The following KALRN variants were observed in gnomAD, a reference collection of about 807,000 sequenced individuals.
The protein encoded by KALRN is kalirin RhoGEF kinase.
Under a neutral mutation model 353.7 loss-of-function variants are expected in KALRN, and 70 were observed. The ratio of observed to expected loss-of-function variants is 0.20; its 90% CI spans 0.16 to 0.24. KALRN has a LOEUF of 0.24. KALRN is among the 10% of genes least tolerant of loss of function. KALRN has a pLI of 1.00. For synonymous variants in KALRN, 1,391 were observed against 1,434.8 expected, an observed-to-expected ratio of 0.97 and a Z score of 0.69; for missense variants, 2,791 against 3,756.7, an observed-to-expected ratio of 0.74 and a Z score of 6.72.
chr3:124,381,132 A>G (rs899332697), intron 10 of KALRN, among the ~76,000 whole-genome samples: 1 of 152,188 alleles, frequency 6.6e-6, no homozygotes, highest in South Asian at 2.1e-4. Flanking sequence ...CACATAAGCT[A>G]GCCTTGGGAG....
intron 1 of KALRN, among the ~76,000 whole-genome samples, chr3:124,044,192 G>A (rs1410752689): frequency 6.6e-6 from 1 of 152,262 alleles, no homozygotes; most frequent in South Asian, 2.1e-4. Context: ...GCTGACCCAA[G>A]ATGAAAAGCC....
rs1274274823 is a variant in KALRN at position 124,330,244 on chromosome 3, TCTCA to T, written c.1416+254_1416+257del. Among the ~76,000 whole-genome samples the T allele has an allele frequency of 1.5e-3, 144 of 96,246 alleles. 1 individual carries two copies. The Middle Eastern group carries it at 0.016, about 11-fold the overall frequency. The allele number at this position is 96,246 out of a possible 152,430, so 63.1% of individuals were successfully genotyped here. On this transcript the variant is annotated intron_variant, in intron 8 of 59. Transcript: ENST00000682506. ...CTCGCATTCATTCTCTCTCTCTCTC[TCTCA>T]CACACACACACACACACACACACAC...
At chr3:124,061,763 T>TA (rs2042013594) in intron 1 of KALRN, among the ~76,000 whole-genome samples, 1 of 152,204 alleles carries the variant, frequency 6.6e-6, no homozygotes, top group African/African-American at 2.4e-5. Flanking sequence ...ACCTTTGTTT[T>TA]AGGCGCCATC....
chr3:124,210,341 G>C (rs2150496313), intron 1 of KALRN, among the ~76,000 whole-genome samples: 1 of 152,270 alleles, frequency 6.6e-6, no homozygotes, highest in Middle Eastern at 3.4e-3. Flanking sequence ...AGCTTATGGT[G>C]TGTAATAGTT....
chr3:124,521,667 A>G (rs1009520350), intron 33 of KALRN, among the ~76,000 whole-genome samples: 1 of 152,222 alleles, frequency 6.6e-6, no homozygotes, highest in African/African-American at 2.4e-5. Context: ...ATTAAAGAGT[A>G]TAGTGAACTA....
At chr3:124,476,112 A>G (rs932827312) in intron 26 of KALRN, among the ~76,000 whole-genome samples, 1 of 152,082 alleles carries the variant, frequency 6.6e-6, no homozygotes. Flanking sequence ...TGGATAAAAT[A>G]TTCATCTTTT....
intron 33 of KALRN, among the ~76,000 whole-genome samples, chr3:124,559,087 A>T (rs541343634): frequency 6.6e-6 from 1 of 152,370 alleles, no homozygotes; most frequent in East Asian, 1.9e-4. Flanking sequence ...GAAAATGCAG[A>T]TGGAGTTACA....
chr3:124,599,420 T>C (rs1196108011), intron 34 of KALRN, among the ~76,000 whole-genome samples: 1 of 152,134 alleles, frequency 6.6e-6, no homozygotes, highest in Non-Finnish European at 1.5e-5. Flanking sequence ...TCGTCATAAT[T>C]ATGTTGGCAC....
At chr3:124,514,901 C>T (rs980562415) in intron 33 of KALRN, among the ~76,000 whole-genome samples, 4 of 152,178 alleles carry the variant, frequency 2.6e-5, no homozygotes, top group Non-Finnish European at 4.4e-5. Context: ...CACTCACTGT[C>T]TTCTGTGCCA....
intron 5 of KALRN, among the ~76,000 whole-genome samples, chr3:124,291,686 G>A (rs556958770): frequency 2.6e-5 from 4 of 152,294 alleles, no homozygotes; most frequent in Admixed American, 2.0e-4. Context: ...GATCAGAGAC[G>A]TGGCCTGGTC....
chr3:124,071,944 A>G (rs2060038701), intron 1 of KALRN, among the ~76,000 whole-genome samples: 1 of 152,186 alleles, frequency 6.6e-6, no homozygotes, highest in African/African-American at 2.4e-5. Context: ...AATTTCCCTT[A>G]GGCACATCAG....
chr3:124,538,022 C>T (rs1007887691), intron 33 of KALRN, among the ~76,000 whole-genome samples: 1 of 152,146 alleles, frequency 6.6e-6, no homozygotes, highest in Non-Finnish European at 1.5e-5. Context: ...GTCGAAGTCC[C>T]CACGGAGGTG....
intron 34 of KALRN, among the ~76,000 whole-genome samples, chr3:124,579,754 A>G (rs13100061): frequency 0.25 from 38,180 of 152,122 alleles, 4,934 homozygotes; most frequent in East Asian, 0.33. Flanking sequence ...CTAACATTCC[A>G]TCAACTTAGA....
At chr3:124,201,822 G>A (rs763257332) in intron 1 of KALRN, among the ~76,000 whole-genome samples, 7 of 152,254 alleles carry the variant, frequency 4.6e-5, no homozygotes, top group Non-Finnish European at 1.0e-4. Flanking sequence ...GCAGCTAAGG[G>A]AGTGGTTCCT....
At chr3:124,513,750 G>T (rs1307877091) in intron 33 of KALRN, among the ~76,000 whole-genome samples, 2 of 152,164 alleles carry the variant, frequency 1.3e-5, no homozygotes, top group Non-Finnish European at 2.9e-5. Flanking sequence ...ATTGAATGTT[G>T]CTGGCTGTGG....
intron 1 of KALRN, among the ~76,000 whole-genome samples, chr3:124,113,407 G>A (rs2063171149): frequency 6.6e-6 from 1 of 152,206 alleles, no homozygotes; most frequent in Non-Finnish European, 1.5e-5. Context: ...GGGGACTGAA[G>A]GCTTAGGAAG....
At chr3:124,183,165 A>C (rs1000476906) in intron 1 of KALRN, among the ~76,000 whole-genome samples, 11 of 152,226 alleles carry the variant, frequency 7.2e-5, no homozygotes, top group African/African-American at 1.9e-4. Context: ...ATTAGGGCAC[A>C]TGGAGAGAGA....
intron 9 of KALRN, among the ~76,000 whole-genome samples, chr3:124,335,274 G>A (rs1332772376): frequency 6.6e-6 from 1 of 152,112 alleles, no homozygotes; most frequent in Non-Finnish European, 1.5e-5. Flanking sequence ...TCCTTGACAA[G>A]GTTGGACCAG....
intron 1 of KALRN, among the ~76,000 whole-genome samples, chr3:124,069,166 C>T (rs555974171): frequency 1.4e-4 from 22 of 152,180 alleles, no homozygotes; most frequent in African/African-American, 4.3e-4. Flanking sequence ...GATAAACAGA[C>T]TCAAAGAGGC....
Sources: gnomAD v4.1 joint callset for allele counts (sites outside exome capture counted in the v4.1 genomes callset) on GRCh38, gnomAD v4.1.1 for gene constraint, MANE v1.5 for transcripts, NCBI Gene and HGNC (gene_info 2026-07-23, HGNC 2026-07-21) for gene names.